Variants in UNC5C observed in about 807,000 individuals in gnomAD.
UNC5C encodes the protein netrin receptor UNC5C.
In UNC5C, 47 loss-of-function variants were observed where a neutral mutation model predicts 99.8. That is an observed-to-expected ratio of 0.47 (90% confidence interval 0.37 to 0.60). UNC5C has a LOEUF of 0.60. Among genes scored for constraint, UNC5C ranks in the 20% least tolerant of loss-of-function variants. UNC5C has a pLI of 0.00. For missense variants in UNC5C, 1,062 were observed against 1,165.9 expected (o/e 0.91, Z 1.30); for synonymous variants, 487 against 452.2 (o/e 1.08, Z -0.98).
intron 1 of UNC5C, among the ~76,000 whole-genome samples, chr4:95,357,135 G>GGTT (rs1553966288): frequency 6.8e-6 from 1 of 146,006 alleles, no homozygotes; most frequent in Non-Finnish European, 1.5e-5. Context: ...CCTTTTTTTT[G>GGTT]TTTTTTTTTT....
intron 1 of UNC5C, among the ~76,000 whole-genome samples, chr4:95,345,140 G>C (rs1346376891): frequency 6.6e-6 from 1 of 151,754 alleles, no homozygotes; most frequent in Non-Finnish European, 1.5e-5. Context: ...GGAACACATA[G>C]ACTGAAAATA....
At chr4:95,388,056 T>C (rs1745258729) in intron 1 of UNC5C, among the ~76,000 whole-genome samples, 1 of 152,136 alleles carries the variant, frequency 6.6e-6, no homozygotes, top group African/African-American at 2.4e-5. Flanking sequence ...TTTATGGAAA[T>C]ACTATAAACA....
At chr4:95,413,839 C>G (rs1330894186) in intron 1 of UNC5C, among the ~76,000 whole-genome samples, 2 of 152,214 alleles carry the variant, frequency 1.3e-5, no homozygotes, top group African/African-American at 2.4e-5. Context: ...ACTGCACACC[C>G]TGCAAATGTA....
chr4:95,261,331 A>G (rs9683976), intron 4 of UNC5C, among the ~76,000 whole-genome samples: 5,678 of 152,244 alleles, frequency 0.037, 329 homozygotes, highest in African/African-American at 0.13. Context: ...TACTTTCAGA[A>G]CTAGCAGTAG....
chr4:95,364,391 G>A (rs958205449), intron 1 of UNC5C, among the ~76,000 whole-genome samples: 21 of 152,166 alleles, frequency 1.4e-4, no homozygotes, highest in South Asian at 6.2e-4. Context: ...ATTTGACACA[G>A]CATTCAATAT....
Position 95,163,025 on chromosome 4 carries a change from A to G in UNC5C, c.*6209T>C, listed in dbSNP as rs966049783. The G allele has an allele frequency of 2.0e-5, 3 of 152,212 alleles. No individual in the cohort carries two copies. The highest frequency in any genetic ancestry group is 4.4e-5 in the Non-Finnish European group (3 of 68,032). 9.4% of individuals were successfully genotyped at this position (152,212 alleles called of 1,614,324 possible). On this transcript the variant is annotated 3_prime_UTR_variant, in exon 16 of 16. Coordinates refer to ENST00000453304, the MANE Select transcript of UNC5C (RefSeq NM_003728.4). The stretch of plus-strand genomic sequence containing the variant: ...GGTCACCAACTTGCTTCAGCTCAAC[A>G]TTAAACTCAACACATATAACACCAT...
chr4:95,236,140 T>C (rs148624616), intron 7 of UNC5C, among the ~76,000 whole-genome samples: 6,497 of 152,220 alleles, frequency 0.043, 163 homozygotes, highest in South Asian at 0.098. Context: ...CACATATATG[T>C]TTATTGCAGC....
intron 1 of UNC5C, among the ~76,000 whole-genome samples, chr4:95,468,603 A>G (rs1747870997): frequency 1.3e-5 from 2 of 152,170 alleles, no homozygotes; most frequent in South Asian, 2.1e-4. Context: ...GATTTTTTCT[A>G]TAACAATGAT....
chr4:95,458,607 G>T (rs1267616903), intron 1 of UNC5C, among the ~76,000 whole-genome samples: 1 of 151,906 alleles, frequency 6.6e-6, no homozygotes, highest in Admixed American at 6.6e-5. Context: ...CTCTTCTAAG[G>T]TCTTTCAAGA....
intron 2 of UNC5C, among the ~76,000 whole-genome samples, chr4:95,303,696 A>G (rs1207908343): frequency 2.0e-5 from 3 of 152,152 alleles, no homozygotes; most frequent in Non-Finnish European, 4.4e-5. Flanking sequence ...GTTTCTTCCT[A>G]AAAGCCATGG....
chr4:95,522,319 C>T (rs1399343407), intron 1 of UNC5C, among the ~76,000 whole-genome samples: 7 of 151,962 alleles, frequency 4.6e-5, no homozygotes, highest in African/African-American at 1.7e-4. Flanking sequence ...TTTAAACAAT[C>T]GATTTTAAAG....
At chr4:95,393,984 C>T (rs1015198735) in intron 1 of UNC5C, among the ~76,000 whole-genome samples, 2 of 151,666 alleles carry the variant, frequency 1.3e-5, no homozygotes, top group East Asian at 1.9e-4. Flanking sequence ...ATTCTCTGAT[C>T]GTTTTATTAA....
rs564588019 is a variant in UNC5C, at chr4:95,303,494, G to A, written c.347-1745C>T. ...AGTTTGAGACTAGTCTTGCCAACAT[G>A]GTGAAACCCTATCTCTACTAAAAAT... On this transcript the variant is annotated intron_variant, in intron 2 of 15. Transcript: ENST00000453304. Among the ~76,000 whole-genome samples the A allele has an allele frequency of 5.3e-5, 8 of 152,118 alleles. No homozygotes were observed. In the South Asian group the frequency reaches 1.7e-3, roughly 32 times the overall value.
At chr4:95,280,473 G>C (rs1013558350) in intron 3 of UNC5C, among the ~76,000 whole-genome samples, 1 of 152,182 alleles carries the variant, frequency 6.6e-6, no homozygotes, top group African/African-American at 2.4e-5. Context: ...TGAATCACCT[G>C]AGGTCAGGAG....
At chr4:95,499,000 AAACCT>A (rs1721701929) in intron 1 of UNC5C, among the ~76,000 whole-genome samples, 1 of 152,132 alleles carries the variant, frequency 6.6e-6, no homozygotes, top group African/African-American at 2.4e-5. Flanking sequence ...CTTGATAATG[AAACCT>A]CTTTTTCCTC....
rs369397488 is a variant in UNC5C at position 95,236,452 on chromosome 4, A to T, written c.1108+5977T>A. 6.7e-5 allele frequency among the ~76,000 whole-genome samples: 9 copies of T among 134,168 alleles called. No homozygotes were observed. The East Asian group carries it at 2.0e-3, about 30-fold the overall frequency. The allele number at this position is 134,168 out of a possible 152,430, so 88.0% of individuals were successfully genotyped here. A position where few individuals can be genotyped will look rare whatever the true frequency, so the allele number is the denominator to read the frequency against. ...CTGTTGAGCAGTTGGGGGAGGGGGG[A>T]GGGATAGCATTAGGAGATATACCTA... On this transcript the variant is annotated intron_variant, in intron 7 of 15. Transcript: ENST00000453304.
chr4:95,222,296 T>A, intron 7 of UNC5C: 1 of 1,356,498 alleles, frequency 7.4e-7, no homozygotes, highest in Non-Finnish European at 9.8e-7. Flanking sequence ...GAAACAAAAA[T>A]GGGAACAAAA....
intron 1 of UNC5C, among the ~76,000 whole-genome samples, chr4:95,352,540 A>G (rs74810379): frequency 0.04 from 6,050 of 152,140 alleles, 379 homozygotes; most frequent in African/African-American, 0.14. Context: ...CCTTCCAATA[A>G]AACTCCAAGC....
At chr4:95,264,120 C>G (rs545499327) in intron 4 of UNC5C, among the ~76,000 whole-genome samples, 56 of 152,244 alleles carry the variant, frequency 3.7e-4, no homozygotes, top group Admixed American at 3.4e-3. Context: ...GGTGAGGATG[C>G]TGAGCAACAG....
Sources: allele counts gnomAD v4.1 joint callset (sites outside exome capture counted in the v4.1 genomes callset), GRCh38; gene constraint gnomAD v4.1.1; transcripts MANE v1.5; gene names NCBI Gene and HGNC (gene_info 2026-07-23, HGNC 2026-07-21).